Variants in CAMK1D observed in about 807,000 individuals in gnomAD.
CAMK1D encodes calcium/calmodulin-dependent protein kinase type 1D.
CAMK1D carries 9 observed loss-of-function variants against 47.7 expected under a neutral mutation model. The ratio of observed to expected loss-of-function variants is 0.19; its 90% CI spans 0.11 to 0.33. The LOEUF (loss-of-function observed/expected upper bound fraction) is 0.33. Among genes scored for constraint, CAMK1D ranks in the 10% least tolerant of loss-of-function variants. The pLI, the probability that CAMK1D is intolerant of heterozygous loss-of-function variation, is 1.00. For missense variants in CAMK1D, 291 were observed against 488.7 expected (o/e 0.60, Z 3.81); for synonymous variants, 184 against 184.9 (o/e 0.99, Z 0.04).
chr10:12,716,807 A>G (rs1834155036), intron 3 of CAMK1D, among the ~76,000 whole-genome samples: 1 of 152,142 alleles, frequency 6.6e-6, no homozygotes, highest in African/African-American at 2.4e-5. Flanking sequence ...CGTGGTGTTC[A>G]CTGCAATTCG....
At chr10:12,800,659 C>T (rs1194490876) in intron 6 of CAMK1D, among the ~76,000 whole-genome samples, 2 of 152,152 alleles carry the variant, frequency 1.3e-5, no homozygotes, top group African/African-American at 4.8e-5. Flanking sequence ...TTTTATGGCA[C>T]CTTGGCCTAA....
At chr10:12,444,582 G>A (rs559078511) in intron 1 of CAMK1D, among the ~76,000 whole-genome samples, 18 of 152,232 alleles carry the variant, frequency 1.2e-4, no homozygotes, top group East Asian at 3.9e-4. Context: ...AGTCAATATC[G>A]TATTTAAGGT....
At chr10:12,380,083 C>CG (rs1838297979) in intron 1 of CAMK1D, among the ~76,000 whole-genome samples, 1 of 151,240 alleles carries the variant, frequency 6.6e-6, no homozygotes, top group Admixed American at 6.6e-5. Flanking sequence ...GGCGTGGTGG[C>CG]GGGTGACTGT....
chr10:12,527,131 C>A (rs1280883884), intron 1 of CAMK1D, among the ~76,000 whole-genome samples: 1 of 151,970 alleles, frequency 6.6e-6, no homozygotes, highest in African/African-American at 2.4e-5. Flanking sequence ...ATTTTAGGGG[C>A]TTATATTGCC....
intron 3 of CAMK1D, among the ~76,000 whole-genome samples, chr10:12,754,315 C>T (rs367942253): frequency 1.3e-5 from 2 of 152,288 alleles, no homozygotes; most frequent in South Asian, 2.1e-4. Context: ...CCCTCAAAGC[C>T]ATTCACACCC....
rs116759368 is a variant in CAMK1D at position 12,725,671 on chromosome 10, A to G, written c.300-35277A>G. The stretch of plus-strand genomic sequence containing the variant: ...AAGAGCAACATCATGAGGCGTGTCT[A>G]CACCTGCTTCTGTGGGAGAAGGAAT... On this transcript the variant is annotated intron_variant, in intron 3 of 10. Transcript: ENST00000619168. 4.3e-3 allele frequency among the ~76,000 whole-genome samples: 654 copies of G among 152,312 alleles called. 8 individuals are homozygous for G. Among genetic ancestry groups the G allele is most frequent in the African/African-American group, 0.015 (625 of 41,556 alleles).
At chr10:12,725,798 C>A (rs1834599131) in intron 3 of CAMK1D, among the ~76,000 whole-genome samples, 1 of 152,084 alleles carries the variant, frequency 6.6e-6, no homozygotes, top group Non-Finnish European at 1.5e-5. Flanking sequence ...ACTCTGTTGC[C>A]CAGGCTGGAG....
At chr10:12,612,339 C>CTTT (rs11333936) in intron 2 of CAMK1D, among the ~76,000 whole-genome samples, 5 of 121,690 alleles carry the variant, frequency 4.1e-5, no homozygotes, top group African/African-American at 8.9e-5. Context: ...TAATTAATTA[C>CTTT]TTTTTTTTTT....
chr10:12,638,928 A>T (rs1230228106), intron 2 of CAMK1D, among the ~76,000 whole-genome samples: 5 of 152,002 alleles, frequency 3.3e-5, no homozygotes, highest in Non-Finnish European at 7.4e-5. Context: ...CATCCTTGTC[A>T]CAGTCAGCGG....
At chr10:12,549,081 C>G (rs1291875317) in intron 1 of CAMK1D, among the ~76,000 whole-genome samples, 1 of 152,020 alleles carries the variant, frequency 6.6e-6, no homozygotes, top group East Asian at 1.9e-4. Flanking sequence ...GTCTCAAAAT[C>G]CTGACCTCAA....
chr10:12,609,392 A>G (rs1838558248), intron 2 of CAMK1D, among the ~76,000 whole-genome samples: 1 of 152,236 alleles, frequency 6.6e-6, no homozygotes, highest in South Asian at 2.1e-4. Context: ...TTTATTGTGC[A>G]CTTTATTTCT....
chr10:12,785,257 TG>T (rs1191461716), intron 5 of CAMK1D, among the ~76,000 whole-genome samples: 1 of 152,208 alleles, frequency 6.6e-6, no homozygotes, highest in Non-Finnish European at 1.5e-5. Context: ...TTTGAGGGGA[TG>T]TGCCTTCTGT....
At chr10:12,694,429 A>G (rs1169480310) in intron 3 of CAMK1D, among the ~76,000 whole-genome samples, 20 of 77,770 alleles carry the variant, frequency 2.6e-4, no homozygotes, top group African/African-American at 1.0e-3. Context: ...TATATGTTAT[A>G]TATCATATAT....
chr10:12,437,387 G>A (rs1269227719), intron 1 of CAMK1D, among the ~76,000 whole-genome samples: 1 of 152,068 alleles, frequency 6.6e-6, no homozygotes, highest in Non-Finnish European at 1.5e-5. Flanking sequence ...TGGAGACGGG[G>A]TTTCACCATG....
chr10:12,658,342 A>C (rs913374824), intron 2 of CAMK1D, among the ~76,000 whole-genome samples: 1 of 151,706 alleles, frequency 6.6e-6, no homozygotes, highest in African/African-American at 2.4e-5. Flanking sequence ...GGGGTGTGCG[A>C]GACCTGCCGG....
chr10:12,408,094 G>C (rs1337551582), intron 1 of CAMK1D, among the ~76,000 whole-genome samples: 1 of 152,050 alleles, frequency 6.6e-6, no homozygotes, highest in Admixed American at 6.5e-5. Flanking sequence ...CTCACCTCAC[G>C]TGATCCACCC....
intron 2 of CAMK1D, among the ~76,000 whole-genome samples, chr10:12,655,399 T>C (rs562030555): frequency 2.8e-4 from 43 of 152,302 alleles, no homozygotes; most frequent in South Asian, 1.2e-3. Flanking sequence ...AGATGAGATT[T>C]GGGCAAGAAA....
At chr10:12,575,066 CT>C (rs1292196507) in intron 2 of CAMK1D, among the ~76,000 whole-genome samples, 2 of 152,034 alleles carry the variant, frequency 1.3e-5, no homozygotes, top group Admixed American at 6.6e-5. Context: ...GATCCAACCC[CT>C]ATCACTCCTA....
intron 2 of CAMK1D, among the ~76,000 whole-genome samples, chr10:12,566,127 G>A (rs1360292093): frequency 1.4e-4 from 21 of 152,088 alleles, no homozygotes; most frequent in Non-Finnish European, 2.9e-4. Flanking sequence ...TCCAATAGTC[G>A]TTGTAGGGAT....
Sources: gnomAD v4.1 joint callset for allele counts (sites outside exome capture counted in the v4.1 genomes callset) on GRCh38, gnomAD v4.1.1 for gene constraint, MANE v1.5 for transcripts, NCBI Gene and HGNC (gene_info 2026-07-23, HGNC 2026-07-21) for gene names.